TBC1D5: variants seen among roughly 807,000 people sequenced by gnomAD.
The protein encoded by TBC1D5 is TBC1 domain family, member 5.
Under a neutral mutation model 100.3 loss-of-function variants are expected in TBC1D5, and 75 were observed. That is an observed-to-expected ratio of 0.75 (90% CI 0.62 to 0.91). The LOEUF (loss-of-function observed/expected upper bound fraction) is 0.91. TBC1D5 is among the 40% of genes least tolerant of loss of function. The pLI, the probability that TBC1D5 is intolerant of heterozygous loss-of-function variation, is 0.00. For missense variants in TBC1D5, 910 were observed against 942.4 expected, an observed-to-expected ratio of 0.97 and a Z score of 0.45; for synonymous variants, 323 against 325.6, an observed-to-expected ratio of 0.99 and a Z score of 0.09.
chr3:17,429,935 C>T (rs1179889322), intron 3 of TBC1D5, among the ~76,000 whole-genome samples: 1 of 146,996 alleles, frequency 6.8e-6, no homozygotes, highest in South Asian at 2.1e-4. Flanking sequence ...TTTGAAAAAA[C>T]AAAAAATCCT....
At chr3:17,244,966 G>GT (rs1423731241) in intron 16 of TBC1D5, among the ~76,000 whole-genome samples, 2 of 131,154 alleles carry the variant, frequency 1.5e-5, no homozygotes, top group Non-Finnish European at 3.1e-5. Flanking sequence ...AAGGACAACT[G>GT]TTTAAGCCCA....
intron 8 of TBC1D5, 137 bp downstream of exon 8, chr3:17,403,044 C>T: frequency 1.7e-6 from 1 of 579,226 alleles, no homozygotes. Context: ...CACAATTTGT[C>T]AAAACAAGTT....
intron 2 of TBC1D5, among the ~76,000 whole-genome samples, chr3:17,621,870 T>C (rs1304472486): frequency 1.3e-5 from 2 of 152,230 alleles, no homozygotes. Flanking sequence ...GAGCCTATTC[T>C]TTATTAGCAA....
chr3:17,271,993 C>T (rs2079476679), intron 15 of TBC1D5, among the ~76,000 whole-genome samples: 1 of 152,104 alleles, frequency 6.6e-6, no homozygotes, highest in Non-Finnish European at 1.5e-5. Context: ...AGGGAAATAT[C>T]ACCTACACAG....
At chr3:17,536,691 G>C (rs1277442821) in intron 2 of TBC1D5, among the ~76,000 whole-genome samples, 2 of 152,134 alleles carry the variant, frequency 1.3e-5, no homozygotes, top group Admixed American at 1.3e-4. Flanking sequence ...AGGGAGATAG[G>C]AGTTACAGGC....
At chr3:17,448,437 T>C (rs914590273) in intron 3 of TBC1D5, among the ~76,000 whole-genome samples, 1 of 152,214 alleles carries the variant, frequency 6.6e-6, no homozygotes, top group African/African-American at 2.4e-5. Flanking sequence ...CCAATGTATT[T>C]TGCTCTGACA....
Position 17,374,348 on chromosome 3 carries a change from G to A in TBC1D5, c.822+123C>T, listed in dbSNP as rs2092610434. On this transcript the variant is annotated intron_variant, in intron 12 of 21. Transcript: ENST00000253692. ...CCCCAGGCTCAATCTTATTCCATAG[G>A]TAATTTCATTTTGGTTACAGCAATA... 3 of 837,844 alleles carry A rather than the reference G, an allele frequency of 3.6e-6. No individual in the cohort carries two copies. The African/African-American group carries it at 5.2e-5, about 15-fold the overall frequency. 51.9% of individuals were successfully genotyped at this position (837,844 alleles called of 1,614,324 possible).
At chr3:17,651,250 T>G (rs1022960440) in intron 1 of TBC1D5, among the ~76,000 whole-genome samples, 1 of 152,160 alleles carries the variant, frequency 6.6e-6, no homozygotes, top group African/African-American at 2.4e-5. Flanking sequence ...ATTTCCAGCT[T>G]TATGGAAAAA....
chr3:17,531,607 A>T (rs1033375191), intron 2 of TBC1D5, among the ~76,000 whole-genome samples: 8 of 152,230 alleles, frequency 5.3e-5, no homozygotes, highest in African/African-American at 1.9e-4. Flanking sequence ...ACAGTAACCA[A>T]AACAGCATGG....
chr3:17,515,376 G>C (rs745346650), intron 2 of TBC1D5, among the ~76,000 whole-genome samples: 1 of 152,272 alleles, frequency 6.6e-6, no homozygotes, highest in African/African-American at 2.4e-5. Context: ...TCCTTTAGTT[G>C]AAAGATAGCC....
intron 14 of TBC1D5, among the ~76,000 whole-genome samples, chr3:17,306,431 A>C (rs930207906): frequency 2.6e-5 from 4 of 152,206 alleles, no homozygotes; most frequent in African/African-American, 9.6e-5. Context: ...TAACAAAATT[A>C]AAATAAGTTG....
chr3:17,302,373 T>C (rs1016148103), intron 14 of TBC1D5, among the ~76,000 whole-genome samples: 2 of 152,188 alleles, frequency 1.3e-5, no homozygotes, highest in African/African-American at 4.8e-5. Context: ...CATATTGGAT[T>C]AGTATGACCT....
chr3:17,217,124 T>A (rs920855565), intron 17 of TBC1D5, among the ~76,000 whole-genome samples: 1 of 152,174 alleles, frequency 6.6e-6, no homozygotes, highest in Non-Finnish European at 1.5e-5. Flanking sequence ...GATGGAGTGA[T>A]ACTATATGTG....
At chr3:17,731,430 C>T (rs1240319892) in intron 1 of TBC1D5, among the ~76,000 whole-genome samples, 3 of 149,788 alleles carry the variant, frequency 2.0e-5, no homozygotes, top group Middle Eastern at 3.5e-3. Flanking sequence ...TGCTTGAACC[C>T]GGGAGGCGGA....
chr3:17,682,861 T>C (rs1186161034), intron 1 of TBC1D5, among the ~76,000 whole-genome samples: 1 of 151,522 alleles, frequency 6.6e-6, no homozygotes, highest in Non-Finnish European at 1.5e-5. Context: ...ACCCTACCGG[T>C]CACATAGATG....
intron 4 of TBC1D5, among the ~76,000 whole-genome samples, chr3:17,418,015 G>C (rs2094124813): frequency 6.6e-6 from 1 of 152,058 alleles, no homozygotes; most frequent in African/African-American, 2.4e-5. Flanking sequence ...AAGAGTCTTT[G>C]AAACGCCTTG....
chr3:17,738,555 T>C (rs1418791846), intron 1 of TBC1D5, among the ~76,000 whole-genome samples: 2 of 152,212 alleles, frequency 1.3e-5, no homozygotes, highest in Non-Finnish European at 1.5e-5. Flanking sequence ...AAAATTATTA[T>C]TAATAGCTGA....
chr3:17,534,561 T>C (rs921815431), intron 2 of TBC1D5, among the ~76,000 whole-genome samples: 1 of 152,196 alleles, frequency 6.6e-6, no homozygotes, highest in Non-Finnish European at 1.5e-5. Flanking sequence ...CACTTCACAA[T>C]GCTTCTGAGA....
At chr3:17,378,876 ATTCCAT>A (rs1292398140) in intron 9 of TBC1D5, among the ~76,000 whole-genome samples, 4 of 151,696 alleles carry the variant, frequency 2.6e-5, no homozygotes, top group Non-Finnish European at 4.4e-5. Context: ...CTGATTAATC[ATTCCAT>A]CTTCAATAAA....
Sources: allele counts gnomAD v4.1 joint callset (sites outside exome capture counted in the v4.1 genomes callset), GRCh38; gene constraint gnomAD v4.1.1; transcripts MANE v1.5; gene names NCBI Gene and HGNC (gene_info 2026-07-23, HGNC 2026-07-21).